Variants in STARD13 observed in about 807,000 individuals in gnomAD.
The protein encoded by STARD13 is StAR related lipid transfer domain containing 13, also known as stAR-related lipid transfer protein 13.
STARD13 carries 62 observed loss-of-function variants against 106.4 expected under a neutral mutation model. The ratio of observed to expected loss-of-function variants is 0.58; its 90% CI spans 0.48 to 0.72. STARD13 has a LOEUF of 0.72. Ranked by LOEUF, STARD13 falls within the 30% of genes least tolerant of loss-of-function variation. The probability of loss-of-function intolerance (pLI) is 0.00; values close to 1 mark genes in which losing one functional copy is unlikely to be tolerated. For missense variants in STARD13, 1,387 were observed against 1,424.0 expected (o/e 0.97, Z 0.42); for synonymous variants, 565 against 553.0 (o/e 1.02, Z -0.31).
the STARD13 span, among the ~76,000 whole-genome samples, chr13:33,568,025 G>C: frequency 2.1e-5 from 3 of 143,114 alleles, 1 homozygote; most frequent in African/African-American, 7.7e-5. Context: ...ATGGTATTTA[G>C]GGATTTTTTT....
At chr13:33,582,256 G>A in the STARD13 span, among the ~76,000 whole-genome samples, 1 of 151,748 alleles carries the variant, frequency 6.6e-6, no homozygotes, top group African/African-American at 2.4e-5. Context: ...AAAAGGCTAA[G>A]TAACTTGCCC....
At chr13:33,610,468 G>T in the STARD13 span, among the ~76,000 whole-genome samples, 2 of 152,246 alleles carry the variant, frequency 1.3e-5, no homozygotes, top group Admixed American at 6.5e-5. Context: ...GACTCCCTGG[G>T]CACAGCACCG....
At chr13:33,168,388 G>T (rs1329400551) in intron 1 of STARD13, among the ~76,000 whole-genome samples, 1 of 152,098 alleles carries the variant, frequency 6.6e-6, no homozygotes, top group Non-Finnish European at 1.5e-5. Flanking sequence ...CAGCCCACCG[G>T]ACCACCTGCC....
chr13:33,372,609 A>C, the STARD13 span, among the ~76,000 whole-genome samples: 1 of 151,980 alleles, frequency 6.6e-6, no homozygotes, highest in Non-Finnish European at 1.5e-5. Context: ...AATATGAACC[A>C]ACCGAATTCC....
chr13:33,187,398 T>A (rs1885870246), intron 1 of STARD13, among the ~76,000 whole-genome samples: 1 of 152,236 alleles, frequency 6.6e-6, no homozygotes, highest in South Asian at 2.1e-4. Flanking sequence ...CTACTGCTTA[T>A]CTGCAACTTC....
At chr13:33,429,330 C>T in the STARD13 span, among the ~76,000 whole-genome samples, 2 of 152,292 alleles carry the variant, frequency 1.3e-5, no homozygotes, top group Non-Finnish European at 2.9e-5. Flanking sequence ...GGCGTGGTGG[C>T]TCACGCCTGT....
At chr13:33,417,721 C>T in the STARD13 span, among the ~76,000 whole-genome samples, 4 of 152,164 alleles carry the variant, frequency 2.6e-5, no homozygotes, top group Admixed American at 1.3e-4. Context: ...TAGGCAAATC[C>T]GTAGAGACAC....
At chr13:33,169,282 A>C (rs1016001338) in intron 1 of STARD13, among the ~76,000 whole-genome samples, 3 of 152,252 alleles carry the variant, frequency 2.0e-5, no homozygotes, top group African/African-American at 7.2e-5. Context: ...GGGAAGGTAC[A>C]AAAGGCAATT....
the STARD13 span, among the ~76,000 whole-genome samples, chr13:33,484,618 C>A: frequency 2.0e-5 from 3 of 152,202 alleles, no homozygotes; most frequent in East Asian, 3.9e-4. Context: ...TTTAAAAAAC[C>A]CTCACTTCCA....
chr13:33,273,439 T>C (rs9536956), intron 1 of STARD13, among the ~76,000 whole-genome samples: 29 of 152,344 alleles, frequency 1.9e-4, no homozygotes, highest in Non-Finnish European at 3.4e-4. Flanking sequence ...TTTCTATTCT[T>C]TCTGGAGGAA....
chr13:33,576,537 CG>C, the STARD13 span, among the ~76,000 whole-genome samples: 6 of 152,046 alleles, frequency 3.9e-5, no homozygotes, highest in Non-Finnish European at 8.8e-5. Context: ...CCCAGCTTAA[CG>C]CTTCTCTCTT....
chr13:33,154,254 A>G (rs961433637), intron 3 of STARD13, among the ~76,000 whole-genome samples: 61 of 152,278 alleles, frequency 4.0e-4, no homozygotes, highest in African/African-American at 1.4e-3. Context: ...CTACGCAGCC[A>G]GGGAAGGCCA....
At chr13:33,188,418 A>G (rs574665475) in intron 1 of STARD13, among the ~76,000 whole-genome samples, 38 of 152,312 alleles carry the variant, frequency 2.5e-4, no homozygotes, top group African/African-American at 7.7e-4. Context: ...CATACAACAA[A>G]AATTAAAATG....
chr13:33,447,858 G>T, the STARD13 span, among the ~76,000 whole-genome samples: 1 of 151,820 alleles, frequency 6.6e-6, no homozygotes, highest in Non-Finnish European at 1.5e-5. Flanking sequence ...AGAGAAATAA[G>T]ATATATATAT....
At chr13:33,393,323 A>G in the STARD13 span, among the ~76,000 whole-genome samples, 5,586 of 152,260 alleles carry the variant, frequency 0.037, 341 homozygotes, top group African/African-American at 0.13. Context: ...TAGATTAAGC[A>G]TTTGGAGATG....
chr13:33,643,825 C>T, the STARD13 span, among the ~76,000 whole-genome samples: 17 of 152,340 alleles, frequency 1.1e-4, no homozygotes, highest in African/African-American at 3.6e-4. Flanking sequence ...CATCAGTGAA[C>T]TCTCCATGCC....
the STARD13 span, among the ~76,000 whole-genome samples, chr13:33,594,993 C>A: frequency 6.6e-6 from 1 of 152,142 alleles, no homozygotes; most frequent in African/African-American, 2.4e-5. Context: ...TATTTTATCC[C>A]TGGTTTGTTT....
chr13:33,307,886 T>G (rs1892972196), intron 1 of STARD13, among the ~76,000 whole-genome samples: 1 of 152,220 alleles, frequency 6.6e-6, no homozygotes, highest in Non-Finnish European at 1.5e-5. Flanking sequence ...GTTGTTCATT[T>G]ATAATCAAAT....
At chr13:33,617,522 A>C in the STARD13 span, among the ~76,000 whole-genome samples, 1 of 152,226 alleles carries the variant, frequency 6.6e-6, no homozygotes, top group African/African-American at 2.4e-5. Context: ...CCTGTGCTGC[A>C]AAAGAAAATT....
Sources: allele counts gnomAD v4.1 joint callset (sites outside exome capture counted in the v4.1 genomes callset), GRCh38; gene constraint gnomAD v4.1.1; transcripts MANE v1.5; gene names NCBI Gene and HGNC (gene_info 2026-07-23, HGNC 2026-07-21).